The following ZNF334 variants were observed in gnomAD, a reference collection of about 807,000 sequenced individuals.
ZNF334 encodes zinc finger protein 334.
Under a neutral mutation model 12.4 loss-of-function variants are expected in ZNF334, and 14 were observed. The ratio of observed to expected loss-of-function variants is 1.13; its 90% CI spans 0.74 to 1.76. ZNF334 has a LOEUF of 1.76. ZNF334 is among the 40% of genes most tolerant of loss of function. ZNF334 has a pLI of 0.00. For missense variants in ZNF334, 797 were observed against 804.5 expected, an observed-to-expected ratio of 0.99 and a Z score of 0.11; for synonymous variants, 273 against 269.6, an observed-to-expected ratio of 1.01 and a Z score of -0.12.
downstream of ZNF334, among the ~76,000 whole-genome samples, chr20:46,498,188 G>A (rs1414180459): frequency 6.6e-6 from 1 of 152,216 alleles, no homozygotes; most frequent in Non-Finnish European, 1.5e-5. Context: ...TAGCTAGCCT[G>A]TGAGATGGCT....
At chr20:46,483,008 C>A in the ZNF334 span, among the ~76,000 whole-genome samples, 1 of 152,132 alleles carries the variant, frequency 6.6e-6, no homozygotes, top group African/African-American at 2.4e-5. Flanking sequence ...GGGCATGCAC[C>A]TTTAACCATG....
chr20:46,474,684 C>A, the ZNF334 span: 3 of 152,146 alleles, frequency 2.0e-5, no homozygotes, highest in African/African-American at 7.2e-5. Context: ...GGGGCTAAAG[C>A]AAATCTAGAA....
chr20:46,479,640 G>A, the ZNF334 span, among the ~76,000 whole-genome samples: 1 of 152,148 alleles, frequency 6.6e-6, no homozygotes, highest in Non-Finnish European at 1.5e-5. Context: ...ACTTTGAAAT[G>A]GCCCTGCAAA....
chr20:46,504,574 AT>A (rs1372186804), intron 3 of ZNF334, 39 bp downstream of exon 3: 1 of 1,550,954 alleles, frequency 6.4e-7, no homozygotes, highest in Admixed American at 2.2e-5. Flanking sequence ...CACAGAAGAA[AT>A]GTATGCTCTT....
the ZNF334 span, among the ~76,000 whole-genome samples, chr20:46,478,392 G>T: frequency 2.0e-5 from 3 of 152,282 alleles, no homozygotes; most frequent in African/African-American, 2.4e-5. Flanking sequence ...ACTGGCAATT[G>T]GTTGAAAGGA....
intron 2 of ZNF334, chr20:46,506,707 T>C: frequency 5.4e-6 from 1 of 186,114 alleles, no homozygotes; most frequent in Non-Finnish European, 1.1e-5. Context: ...CTGGTTACAT[T>C]CAGGGGAGAG....
At chr20:46,477,269 C>A in the ZNF334 span, 1 of 151,846 alleles carries the variant, frequency 6.6e-6, no homozygotes, top group Non-Finnish European at 1.5e-5. Context: ...GAGGAAGGCA[C>A]CTTTTTAGGA....
chr20:46,489,733 T>G, the ZNF334 span, among the ~76,000 whole-genome samples: 1 of 152,084 alleles, frequency 6.6e-6, no homozygotes, highest in Non-Finnish European at 1.5e-5. Flanking sequence ...CCACTGATTC[T>G]GTCCCATGTT....
At chr20:46,464,865 T>C in the ZNF334 span, 3 of 539,414 alleles carry the variant, frequency 5.6e-6, no homozygotes, top group African/African-American at 3.8e-5. Context: ...CCTGTATTCA[T>C]TTCCACAAGC....
intron 2 of ZNF334, chr20:46,509,715 T>C: frequency 1.4e-6 from 1 of 702,234 alleles, no homozygotes. Flanking sequence ...CTCAGGAAGC[T>C]GGTACCACAC....
intron 2 of ZNF334, among the ~76,000 whole-genome samples, chr20:46,510,682 CG>C (rs1243573231): frequency 6.7e-6 from 1 of 149,360 alleles, no homozygotes; most frequent in Non-Finnish European, 1.5e-5. Flanking sequence ...GGTGTGAACC[CG>C]GGAGGCAGAG....
At chr20:46,488,419 T>TTATATATA in the ZNF334 span, among the ~76,000 whole-genome samples, 249 of 102,236 alleles carry the variant, frequency 2.4e-3, 7 homozygotes, top group Middle Eastern at 5.3e-3. Flanking sequence ...AGCTCTTATT[T>TTATATATA]TATATATATA....
the ZNF334 span, chr20:46,464,200 C>T: frequency 1.9e-6 from 1 of 529,806 alleles, no homozygotes; most frequent in Admixed American, 2.0e-5. Flanking sequence ...GCTCCCCTGT[C>T]CTTCATCAAA....
chr20:46,468,680 T>C, the ZNF334 span, among the ~76,000 whole-genome samples: 1 of 152,170 alleles, frequency 6.6e-6, no homozygotes, highest in Non-Finnish European at 1.5e-5. Flanking sequence ...GCTGTTGCCA[T>C]GGAAAGAGGC....
intron 2 of ZNF334, chr20:46,509,750 G>C (rs1428606399): frequency 4.4e-6 from 3 of 685,742 alleles, no homozygotes; most frequent in Admixed American, 2.0e-5. Flanking sequence ...TTTCATCCAA[G>C]TCTAAAACAG....
the ZNF334 span, among the ~76,000 whole-genome samples, chr20:46,488,672 G>T: frequency 6.6e-6 from 1 of 151,700 alleles, no homozygotes; most frequent in Non-Finnish European, 1.5e-5. Flanking sequence ...TGCCCTGCAG[G>T]ACTTCCTTTA....
At chr20:46,464,801 C>A in the ZNF334 span, 1 of 534,152 alleles carries the variant, frequency 1.9e-6, no homozygotes, top group South Asian at 1.4e-5. Context: ...AGCATCTACC[C>A]AGTCCTCTGA....
Position 46,502,957 on chromosome 20 carries a change from G to T in ZNF334, c.382C>A (p.Pro128Thr), listed in dbSNP as rs147941756. ...KTLNLGMNSV[P>T]SRKMPYKCNP... Reference sequence around the variant, plus strand: ...CATTTATAGGGCATTTTTCTTGAGGGAACACTATTCATGCCCAGATTAAGT... The same window carrying T: ...CATTTATAGGGCATTTTTCTTGAGGTAACACTATTCATGCCCAGATTAAGT... The change falls in exon 5 of 5, where the codon CCC becomes ACC. Residue 128 changes from proline (P) to threonine (T), a missense_variant. Physicochemically the swap from Pro to Thr is conservative, Grantham distance 38 (BLOSUM62 -1). Coordinates refer to ENST00000692313, the MANE Select transcript of ZNF334 (RefSeq NM_001353824.2). 7.4e-6 allele frequency: 12 copies of T among 1,613,928 alleles called. No homozygotes were observed. In the African/African-American group the frequency reaches 1.6e-4, roughly 22 times the overall value.
intron 2 of ZNF334, among the ~76,000 whole-genome samples, chr20:46,511,341 G>A (rs776324316): frequency 1.6e-4 from 24 of 152,064 alleles, no homozygotes. Context: ...ACTGTCAAAT[G>A]CAACAAAGAG....
Sources: gnomAD v4.1 joint callset for allele counts (sites outside exome capture counted in the v4.1 genomes callset) on GRCh38, gnomAD v4.1.1 for gene constraint, MANE v1.5 for transcripts, NCBI Gene and HGNC (gene_info 2026-07-23, HGNC 2026-07-21) for gene names.